The following REV3L variants were observed in gnomAD, a reference collection of about 807,000 sequenced individuals.
The protein encoded by REV3L is DNA polymerase zeta catalytic subunit.
In REV3L, 69 loss-of-function variants were observed where a neutral mutation model predicts 299.4. That is an observed-to-expected ratio of 0.23 (90% CI 0.19 to 0.28). REV3L has a LOEUF of 0.28. Among genes scored for constraint, REV3L ranks in the 10% least tolerant of loss-of-function variants. The pLI, the probability that REV3L is intolerant of heterozygous loss-of-function variation, is 1.00. For missense variants in REV3L, 3,128 were observed against 3,693.8 expected (o/e 0.85, Z 3.97); for synonymous variants, 1,238 against 1,271.4 (o/e 0.97, Z 0.56).
intron 1 of REV3L, among the ~76,000 whole-genome samples, chr6:111,446,469 C>T (rs1031309609): frequency 9.2e-5 from 14 of 152,074 alleles, no homozygotes; most frequent in African/African-American, 2.4e-4. Context: ...TTTGGGAGGC[C>T]GAGGCGGGTG....
chr6:111,388,147 C>T (rs1021256213), intron 7 of REV3L, 62 bp from the exon 8 acceptor site: 2 of 1,140,940 alleles, frequency 1.8e-6, no homozygotes, highest in Non-Finnish European at 2.6e-6. Flanking sequence ...ATTTTCCCTT[C>T]TCCTAAAGTA....
intron 1 of REV3L, among the ~76,000 whole-genome samples, chr6:111,434,311 A>C (rs1401904872): frequency 1.3e-5 from 2 of 152,092 alleles, no homozygotes; most frequent in Non-Finnish European, 2.9e-5. Context: ...TCAACCAAAA[A>C]AACTGTTAAA....
chr6:111,425,273 A>G (rs1228510136), intron 1 of REV3L, among the ~76,000 whole-genome samples: 1 of 152,068 alleles, frequency 6.6e-6, no homozygotes, highest in Non-Finnish European at 1.5e-5. Context: ...CCTGGCGAAC[A>G]TGGAAACCCC....
intron 1 of REV3L, among the ~76,000 whole-genome samples, chr6:111,422,050 G>A (rs1423019410): frequency 2.0e-5 from 3 of 152,102 alleles, no homozygotes; most frequent in East Asian, 1.9e-4. Context: ...TGTACTCTTA[G>A]CCTTGGAAAT....
At chr6:111,476,706 T>TA (rs1329131545) in intron 1 of REV3L, among the ~76,000 whole-genome samples, 2 of 152,226 alleles carry the variant, frequency 1.3e-5, no homozygotes, top group Non-Finnish European at 2.9e-5. Context: ...AAAACCACTT[T>TA]ACATACAAGT....
At chr6:111,416,998 T>G (rs1432336166) in intron 1 of REV3L, among the ~76,000 whole-genome samples, 1 of 151,320 alleles carries the variant, frequency 6.6e-6, no homozygotes, top group African/African-American at 2.5e-5. Flanking sequence ...AAATGAAATT[T>G]TGCCATTAAA....
At chr6:111,323,470 GTATC>G (rs1175266843) in intron 25 of REV3L, among the ~76,000 whole-genome samples, 1 of 152,140 alleles carries the variant, frequency 6.6e-6, no homozygotes, top group Non-Finnish European at 1.5e-5. Flanking sequence ...AAAGAAAAAT[GTATC>G]TAATTATATG....
At chr6:111,438,976 C>T (rs1295546697) in intron 1 of REV3L, among the ~76,000 whole-genome samples, 2 of 152,138 alleles carry the variant, frequency 1.3e-5, no homozygotes, top group African/African-American at 2.4e-5. Flanking sequence ...TTGAAGTATA[C>T]ATTTGCAACT....
chr6:111,362,384 T>A (rs1467519361), intron 16 of REV3L, among the ~76,000 whole-genome samples: 1 of 152,164 alleles, frequency 6.6e-6, no homozygotes, highest in African/African-American at 2.4e-5. Context: ...TACAACAGAA[T>A]TGACTTGAGA....
chr6:111,415,941 G>A (rs891751696), intron 2 of REV3L, among the ~76,000 whole-genome samples: 3 of 152,118 alleles, frequency 2.0e-5, no homozygotes, highest in Admixed American at 2.0e-4. Flanking sequence ...CATGGGCAGG[G>A]CTCTTTGTTT....
chr6:111,338,791 C>G (rs1582583769), intron 21 of REV3L, among the ~76,000 whole-genome samples: 2 of 151,892 alleles, frequency 1.3e-5, no homozygotes, highest in East Asian at 3.9e-4. Flanking sequence ...TAGTATATTT[C>G]AAAAGAAATA....
chr6:111,437,774 T>G (rs923528329), intron 1 of REV3L, among the ~76,000 whole-genome samples: 1 of 152,118 alleles, frequency 6.6e-6, no homozygotes, highest in African/African-American at 2.4e-5. Context: ...GCGCTTATGG[T>G]TGCACAACTC....
At chr6:111,407,200 T>C (rs535978847) in intron 3 of REV3L, among the ~76,000 whole-genome samples, 7 of 152,162 alleles carry the variant, frequency 4.6e-5, no homozygotes, top group African/African-American at 1.2e-4. Flanking sequence ...ATCTATCCAG[T>C]AGATGGTTTG....
chr6:111,429,969 T>C (rs942597606), intron 1 of REV3L, among the ~76,000 whole-genome samples: 1 of 151,674 alleles, frequency 6.6e-6, no homozygotes, highest in Non-Finnish European at 1.5e-5. Flanking sequence ...TCCAGCCTCT[T>C]CGAAGACAAA....
chr6:111,335,844 T>C (rs1775838518), intron 21 of REV3L, among the ~76,000 whole-genome samples: 1 of 152,172 alleles, frequency 6.6e-6, no homozygotes, highest in African/African-American at 2.4e-5. Context: ...TACTTGTGAT[T>C]AGGTGGTAAG....
Position 111,329,514 on chromosome 6 carries a change from C to A in REV3L, c.8241+18G>T. ...ATTTTAGTCTCTTTTGAAAAAACTACAGATTTGTATCACTTACCTCAATGC... is the reference window on the plus strand; with the variant it reads ...ATTTTAGTCTCTTTTGAAAAAACTAAAGATTTGTATCACTTACCTCAATGC... On this transcript the variant is annotated intron_variant, in intron 25 of 31. Transcript: ENST00000368802. The A allele has an allele frequency of 6.2e-7, 1 of 1,611,608 alleles. No homozygotes were observed. The highest frequency in any genetic ancestry group is 8.5e-7 in the Non-Finnish European group (1 of 1,177,790).
intron 21 of REV3L, among the ~76,000 whole-genome samples, chr6:111,339,206 T>G (rs1254213828): frequency 1.3e-5 from 2 of 152,160 alleles, no homozygotes; most frequent in Non-Finnish European, 1.5e-5. Context: ...GAGAGCCTTC[T>G]GTGTGTTGAA....
chr6:111,379,629 T>C (rs186975242), intron 11 of REV3L, among the ~76,000 whole-genome samples: 1 of 152,358 alleles, frequency 6.6e-6, no homozygotes, highest in Admixed American at 6.5e-5. Context: ...ACTCTATACA[T>C]TGTTGTTCTG....
rs759303079 is a variant in REV3L at position 111,367,446 on chromosome 6, G to A, written c.6342C>T (p.Tyr2114=). The A allele has an allele frequency of 1.9e-6, 3 of 1,610,484 alleles. No individual in the cohort carries two copies. Among genetic ancestry groups the A allele is most frequent in the Admixed American group, 1.7e-5 (1 of 59,738 alleles). The change falls in exon 14 of 32, where the codon TAC becomes TAT. Residue 2114 remains tyrosine, a synonymous_variant. Coordinates refer to ENST00000368802, the MANE Select transcript of REV3L (RefSeq NM_001372078.1). ...EKDEDDDDNY[Y]ISYSSPDSPV... ...GAGAATCAGGGGAGCTATAACTAAT[G>A]TAATAGTTATCATCATCATCTTCAT...
Sources: allele counts gnomAD v4.1 joint callset (sites outside exome capture counted in the v4.1 genomes callset), GRCh38; gene constraint gnomAD v4.1.1; transcripts MANE v1.5; gene names NCBI Gene and HGNC (gene_info 2026-07-23, HGNC 2026-07-21).